Variants in THSD7B observed in about 807,000 individuals in gnomAD.
THSD7B encodes thrombospondin type 1 domain containing 7B.
THSD7B carries 138 observed loss-of-function variants against 213.6 expected under a neutral mutation model. That is an observed-to-expected ratio of 0.65 (90% CI 0.56 to 0.74). The LOEUF is 0.74. THSD7B is among the 30% of genes least tolerant of loss of function. THSD7B has a pLI of 0.00. For missense variants in THSD7B, 1,931 were observed against 1,991.5 expected, an observed-to-expected ratio of 0.97 and a Z score of 0.58; for synonymous variants, 742 against 687.0, an observed-to-expected ratio of 1.08 and a Z score of -1.25.
chr2:137,508,668 C>G (rs1403721137), intron 15 of THSD7B, among the ~76,000 whole-genome samples: 4 of 151,612 alleles, frequency 2.6e-5, no homozygotes, highest in South Asian at 2.1e-4. Flanking sequence ...GGATTACCGG[C>G]TAAATAAAAC....
chr2:137,151,182 ACTT>A (rs1337287584), intron 5 of THSD7B, among the ~76,000 whole-genome samples: 1 of 152,176 alleles, frequency 6.6e-6, no homozygotes, highest in African/African-American at 2.4e-5. Context: ...TACTTCATAA[ACTT>A]CTCAATTTTT....
At chr2:137,309,128 C>T (rs540891897) in intron 12 of THSD7B, among the ~76,000 whole-genome samples, 1 of 151,872 alleles carries the variant, frequency 6.6e-6, no homozygotes, top group Non-Finnish European at 1.5e-5. Context: ...TAGGACAGTG[C>T]CTCATTCTTC....
At chr2:137,657,834 C>A (rs924717674) in intron 24 of THSD7B, among the ~76,000 whole-genome samples, 1 of 152,160 alleles carries the variant, frequency 6.6e-6, no homozygotes, top group South Asian at 2.1e-4. Flanking sequence ...CTTGTCTCAG[C>A]TTCCTGAGTA....
chr2:136,807,508 C>CTTTTTTTTTTTTTTTTTTTT (rs1314267493), intron 1 of THSD7B, among the ~76,000 whole-genome samples: 3 of 49,566 alleles, frequency 6.1e-5, no homozygotes, highest in Admixed American at 1.9e-4. Context: ...CAAAATGTTT[C>CTTTTTTTTTTTTTTTTTTTT]GTTTTTTTTT....
intron 12 of THSD7B, among the ~76,000 whole-genome samples, chr2:137,372,116 A>G (rs981623392): frequency 6.6e-6 from 1 of 152,108 alleles, no homozygotes; most frequent in Non-Finnish European, 1.5e-5. Flanking sequence ...TCATGTCAAC[A>G]TAGGTGACCC....
intron 15 of THSD7B, among the ~76,000 whole-genome samples, chr2:137,455,015 A>G (rs1687736478): frequency 6.6e-6 from 1 of 151,984 alleles, no homozygotes; most frequent in African/African-American, 2.4e-5. Context: ...TTCAAAAAAT[A>G]TTGAATTTTG....
intron 10 of THSD7B, among the ~76,000 whole-genome samples, chr2:137,259,202 G>T (rs1352594973): frequency 2.0e-5 from 3 of 152,162 alleles, no homozygotes; most frequent in Non-Finnish European, 4.4e-5. Flanking sequence ...TATATACCCA[G>T]TGATGGGGTT....
At chr2:137,362,308 C>G (rs1341163456) in intron 12 of THSD7B, among the ~76,000 whole-genome samples, 2 of 152,160 alleles carry the variant, frequency 1.3e-5, no homozygotes, top group East Asian at 1.9e-4. Flanking sequence ...ATCGATGCTA[C>G]AAAGAAACTG....
intron 12 of THSD7B, among the ~76,000 whole-genome samples, chr2:137,402,163 T>C (rs1451507061): frequency 6.6e-6 from 1 of 152,222 alleles, no homozygotes; most frequent in Admixed American, 6.5e-5. Context: ...GACTTTTTTA[T>C]AGTCTTGTGA....
chr2:137,352,038 T>C (rs1685025112), intron 12 of THSD7B, among the ~76,000 whole-genome samples: 1 of 151,886 alleles, frequency 6.6e-6, no homozygotes, highest in Admixed American at 6.6e-5. Context: ...CTTCTTTCAG[T>C]GTGGTCCAGG....
At chr2:137,561,712 C>T (rs1681123684) in intron 15 of THSD7B, among the ~76,000 whole-genome samples, 1 of 152,096 alleles carries the variant, frequency 6.6e-6, no homozygotes. Flanking sequence ...CATCTACTAT[C>T]CTATGACTGT....
chr2:137,160,854 C>T (rs920130730), intron 6 of THSD7B, among the ~76,000 whole-genome samples: 2 of 152,106 alleles, frequency 1.3e-5, no homozygotes, highest in African/African-American at 4.8e-5. Context: ...GAACTCCTGA[C>T]CTCGTGATCT....
At chr2:137,023,361 G>C (rs776355813) in intron 2 of THSD7B, among the ~76,000 whole-genome samples, 3 of 152,120 alleles carry the variant, frequency 2.0e-5, no homozygotes, top group Non-Finnish European at 4.4e-5. Context: ...GTAGCTTCCA[G>C]GGTTTCTCTT....
chr2:136,856,238 A>G (rs182881654), intron 1 of THSD7B, among the ~76,000 whole-genome samples: 29 of 152,264 alleles, frequency 1.9e-4, no homozygotes, highest in Admixed American at 6.5e-4. Context: ...AGCAAGAGGG[A>G]ATCAGATAAA....
intron 14 of THSD7B, among the ~76,000 whole-genome samples, chr2:137,436,791 A>G (rs148907864): frequency 6.6e-6 from 1 of 152,292 alleles, no homozygotes; most frequent in East Asian, 1.9e-4. Context: ...TAGCCTTTGA[A>G]TGGTGAGAAT....
rs554343849 is a variant in THSD7B at position 137,074,874 on chromosome 2, G to C, written c.950+17644G>C. Among the ~76,000 whole-genome samples, 76 of 152,226 alleles carry C rather than the reference G, an allele frequency of 5.0e-4. 1 individual carries two copies. Among genetic ancestry groups the C allele is most frequent in the African/African-American group, 1.7e-3 (71 of 41,532 alleles). On this transcript the variant is annotated intron_variant, in intron 3 of 27. Transcript: ENST00000409968. ...TGGTTTGGCTGGATATGAAATTCTG[G>C]GTTGAAAATTCTTTTCTTTAAGAAT...
At chr2:137,250,873 CT>C (rs1289071039) in intron 10 of THSD7B, among the ~76,000 whole-genome samples, 1 of 152,142 alleles carries the variant, frequency 6.6e-6, no homozygotes, top group African/African-American at 2.4e-5. Context: ...TTACTACAGC[CT>C]AAATCCTAGC....
rs868174938 is a variant in THSD7B at position 137,232,973 on chromosome 2, C to T, written c.1990C>T (p.His664Tyr). 2 of 1,613,992 alleles carry T rather than the reference C, an allele frequency of 1.2e-6. No homozygotes were observed. Among genetic ancestry groups the T allele is most frequent in the Non-Finnish European group, 1.7e-6 (2 of 1,179,854 alleles). ...TAATGACCATTCCTGTATGCAGCTT[C>T]ACTGGGAGACATCGCCTTGGGGCCC... Reference protein sequence around the residue: ...LCNDHSCMQLHWETSPWGPCS... With the variant: ...LCNDHSCMQLYWETSPWGPCS... The change falls in exon 9 of 28, where the codon CAC becomes TAC. Residue 664 changes from histidine (H) to tyrosine (Y), a missense_variant. Transcript: ENST00000409968.
chr2:136,844,779 T>C (rs1424968561), intron 1 of THSD7B, among the ~76,000 whole-genome samples: 1 of 152,214 alleles, frequency 6.6e-6, no homozygotes, highest in Non-Finnish European at 1.5e-5. Context: ...CCTGAGGTCA[T>C]GCCCAGTTCA....
Sources: gnomAD v4.1 joint callset for allele counts (sites outside exome capture counted in the v4.1 genomes callset) on GRCh38, gnomAD v4.1.1 for gene constraint, MANE v1.5 for transcripts, NCBI Gene and HGNC (gene_info 2026-07-23, HGNC 2026-07-21) for gene names.